Variants in FMNL2 observed in about 807,000 individuals in gnomAD.
FMNL2 encodes formin-like protein 2.
A neutral mutation model predicts 130.2 loss-of-function variants in FMNL2; 51 were observed. That is an observed-to-expected ratio of 0.39 (90% CI 0.31 to 0.49). FMNL2 has a LOEUF of 0.49. FMNL2 is among the 20% of genes least tolerant of loss of function. FMNL2 has a pLI of 0.85. For missense variants in FMNL2, 977 were observed against 1,316.2 expected, an observed-to-expected ratio of 0.74 and a Z score of 3.99; for synonymous variants, 465 against 467.1, an observed-to-expected ratio of 1.00 and a Z score of 0.06.
At chr2:152,642,168 C>CT (rs1292338507) in intron 25 of FMNL2, among the ~76,000 whole-genome samples, 1 of 152,146 alleles carries the variant, frequency 6.6e-6, no homozygotes, top group Non-Finnish European at 1.5e-5. Context: ...TCTCGATCTC[C>CT]TGACCTCGTG....
intron 1 of FMNL2, among the ~76,000 whole-genome samples, chr2:152,491,671 C>T (rs1458936686): frequency 6.6e-6 from 1 of 152,148 alleles, no homozygotes; most frequent in African/African-American, 2.4e-5. Context: ...ATAGATCAGC[C>T]AGGGTGTGAT....
chr2:152,596,980 G>A (rs1045267309), intron 9 of FMNL2, among the ~76,000 whole-genome samples: 6 of 152,156 alleles, frequency 3.9e-5, no homozygotes. Context: ...CACCTTGAAT[G>A]AATTTATAAA....
intron 2 of FMNL2, among the ~76,000 whole-genome samples, chr2:152,536,715 T>G (rs1694012794): frequency 6.6e-6 from 1 of 152,154 alleles, no homozygotes; most frequent in Non-Finnish European, 1.5e-5. Context: ...GGAGAGAAAC[T>G]CAACAGTGTG....
intron 9 of FMNL2, among the ~76,000 whole-genome samples, chr2:152,589,929 C>T (rs1697292814): frequency 8.9e-6 from 1 of 112,344 alleles, no homozygotes; most frequent in Admixed American, 9.7e-5. Context: ...ACCACCACAC[C>T]TGGCTTTATA....
intron 1 of FMNL2, among the ~76,000 whole-genome samples, chr2:152,480,389 G>C (rs888458231): frequency 6.6e-6 from 1 of 152,086 alleles, no homozygotes; most frequent in South Asian, 2.1e-4. Flanking sequence ...CCAGCACTTT[G>C]GGAGGCCGAG....
intron 1 of FMNL2, among the ~76,000 whole-genome samples, chr2:152,485,219 A>G (rs544292750): frequency 7.0e-4 from 106 of 152,276 alleles, no homozygotes; most frequent in Admixed American, 1.2e-3. Flanking sequence ...ATGGCCGGGC[A>G]CGGTGGCTCA....
At chr2:152,453,526 T>C (rs371263830) in intron 1 of FMNL2, among the ~76,000 whole-genome samples, 1 of 152,318 alleles carries the variant, frequency 6.6e-6, no homozygotes, top group East Asian at 1.9e-4. Flanking sequence ...CCTCCCCTGC[T>C]GCCCAGCCTT....
At chr2:152,401,713 G>C (rs2105964519) in intron 1 of FMNL2, among the ~76,000 whole-genome samples, 1 of 152,066 alleles carries the variant, frequency 6.6e-6, no homozygotes, top group South Asian at 2.1e-4. Context: ...ATTTCTTAGA[G>C]TTCTCCAGGT....
chr2:152,360,963 A>G (rs1683132816), intron 1 of FMNL2, among the ~76,000 whole-genome samples: 1 of 152,202 alleles, frequency 6.6e-6, no homozygotes, highest in South Asian at 2.1e-4. Flanking sequence ...GCCAATATCT[A>G]TTCCTTGTAG....
chr2:152,428,898 A>G (rs1687332815), intron 1 of FMNL2, among the ~76,000 whole-genome samples: 1 of 152,144 alleles, frequency 6.6e-6, no homozygotes. Flanking sequence ...CTAGAGATTC[A>G]TCTAACACTG....
At chr2:152,387,824 T>A (rs1384685840) in intron 1 of FMNL2, among the ~76,000 whole-genome samples, 3 of 148,120 alleles carry the variant, frequency 2.0e-5, no homozygotes, top group African/African-American at 7.9e-5. Context: ...AAAAAAATTT[T>A]TTTTTTTTTT....
chr2:152,425,364 C>T (rs1009786521), intron 1 of FMNL2, among the ~76,000 whole-genome samples: 1 of 152,126 alleles, frequency 6.6e-6, no homozygotes, highest in African/African-American at 2.4e-5. Flanking sequence ...CCATTCTGTC[C>T]TGGTGATTAA....
intron 17 of FMNL2, among the ~76,000 whole-genome samples, 185 bp downstream of exon 17, chr2:152,626,912 G>A (rs1681830330): frequency 1.3e-5 from 2 of 152,206 alleles, no homozygotes; most frequent in African/African-American, 4.8e-5. Context: ...TGAATATGAT[G>A]CCAACACGAA....
At chr2:152,416,657 T>G (rs1212786553) in intron 1 of FMNL2, among the ~76,000 whole-genome samples, 1 of 152,218 alleles carries the variant, frequency 6.6e-6, no homozygotes, top group African/African-American at 2.4e-5. Flanking sequence ...CCATGCTGAC[T>G]TCTAGCCAGG....
At chr2:152,381,749 G>A (rs933341942) in intron 1 of FMNL2, among the ~76,000 whole-genome samples, 1 of 152,082 alleles carries the variant, frequency 6.6e-6, no homozygotes, top group African/African-American at 2.4e-5. Flanking sequence ...TGCTTTAAAT[G>A]TACTGCTTTA....
At chr2:152,424,558 T>G (rs1687093105) in intron 1 of FMNL2, among the ~76,000 whole-genome samples, 1 of 152,076 alleles carries the variant, frequency 6.6e-6, no homozygotes, top group African/African-American at 2.4e-5. Flanking sequence ...GCGCGGCTAA[T>G]TTTTATATTT....
At chr2:152,380,418 T>A (rs1684397068) in intron 1 of FMNL2, among the ~76,000 whole-genome samples, 1 of 152,234 alleles carries the variant, frequency 6.6e-6, no homozygotes. Flanking sequence ...CAGTGTTGTA[T>A]CCACACATTC....
rs1553495132 is a variant in FMNL2 at position 152,646,166 on chromosome 2, A to AC, written c.3170-1630_3170-1629insC. Among the ~76,000 whole-genome samples, 248 of 145,362 alleles carry AC rather than the reference A, an allele frequency of 1.7e-3. 1 individual carries two copies. The highest frequency in any genetic ancestry group is 2.0e-3 in the Non-Finnish European group (129 of 63,820). On this transcript the variant is annotated intron_variant, in intron 25 of 25. Coordinates refer to ENST00000288670, the MANE Select transcript of FMNL2 (RefSeq NM_052905.4). ...AAAATCCCCATCTCTACAAAAAAAA[A>AC]AAAACAAACAAACAAAGTTAGCCAG...
chr2:152,575,449 A>C (rs972438898), intron 7 of FMNL2, among the ~76,000 whole-genome samples: 1 of 61,480 alleles, frequency 1.6e-5, no homozygotes, highest in African/African-American at 7.2e-5. Context: ...AACCAACCAA[A>C]CAAAAAAAAA....
Sources: allele counts gnomAD v4.1 joint callset (sites outside exome capture counted in the v4.1 genomes callset), GRCh38; gene constraint gnomAD v4.1.1; transcripts MANE v1.5; gene names NCBI Gene and HGNC (gene_info 2026-07-23, HGNC 2026-07-21).